PABPC4L: variants seen among roughly 807,000 people sequenced by gnomAD.
The protein encoded by PABPC4L is poly(A) binding protein cytoplasmic 4 like, also known as polyadenylate-binding protein 4-like.
For missense variants in PABPC4L, 452 were observed against 451.4 expected (o/e 1.00, Z -0.01); for synonymous variants, 169 against 164.1 (o/e 1.03, Z -0.23).
At chr4:134,040,060 T>G in the PABPC4L span, among the ~76,000 whole-genome samples, 2 of 151,566 alleles carry the variant, frequency 1.3e-5, no homozygotes, top group Non-Finnish European at 2.9e-5. Flanking sequence ...CTCAAAGAAA[T>G]AAGAGAGGAC....
At chr4:134,090,756 C>T in the PABPC4L span, among the ~76,000 whole-genome samples, 5 of 146,772 alleles carry the variant, frequency 3.4e-5, no homozygotes, top group African/African-American at 4.9e-5. Flanking sequence ...GAGCAATATC[C>T]TGTCTCAAAA....
chr4:134,171,252 A>C, the PABPC4L span, among the ~76,000 whole-genome samples: 1 of 152,082 alleles, frequency 6.6e-6, no homozygotes, highest in East Asian at 1.9e-4. Flanking sequence ...AGTAGCTGAG[A>C]TTACAGGTGC....
the PABPC4L span, among the ~76,000 whole-genome samples, chr4:134,139,753 G>C: frequency 1.3e-5 from 2 of 150,980 alleles, no homozygotes; most frequent in Admixed American, 6.6e-5. Flanking sequence ...TCAAACTCCT[G>C]GCCTCAAGTG....
the PABPC4L span, among the ~76,000 whole-genome samples, chr4:134,082,993 C>G: frequency 6.6e-6 from 1 of 152,158 alleles, no homozygotes; most frequent in Non-Finnish European, 1.5e-5. Flanking sequence ...GCATGACCAT[C>G]ACCATAGATT....
the PABPC4L span, among the ~76,000 whole-genome samples, chr4:134,107,587 A>T: frequency 6.6e-6 from 1 of 151,594 alleles, no homozygotes; most frequent in East Asian, 1.9e-4. Flanking sequence ...TTTGCCAAGT[A>T]TTTTTATACA....
At chr4:133,968,791 CAT>C in the PABPC4L span, among the ~76,000 whole-genome samples, 82 of 152,232 alleles carry the variant, frequency 5.4e-4, no homozygotes, top group African/African-American at 1.9e-3. Flanking sequence ...CAGGTAAAGA[CAT>C]AGGTGATTTG....
At chr4:134,192,267 G>A (rs2126193924), downstream of PABPC4L, among the ~76,000 whole-genome samples, 1 of 152,038 alleles carries the variant, frequency 6.6e-6, no homozygotes, top group African/African-American at 2.4e-5. Flanking sequence ...AGAAACAGAA[G>A]ATCATATATT....
the PABPC4L span, among the ~76,000 whole-genome samples, chr4:134,062,260 G>A: frequency 2.0e-5 from 3 of 151,954 alleles, no homozygotes; most frequent in Non-Finnish European, 2.9e-5. Context: ...AATTCAGGGA[G>A]TATATGATTC....
chr4:133,956,110 A>G, the PABPC4L span, among the ~76,000 whole-genome samples: 1 of 152,190 alleles, frequency 6.6e-6, no homozygotes, highest in Non-Finnish European at 1.5e-5. Context: ...TTTCTCATTA[A>G]CTTAACAGAA....
At chr4:134,085,462 CAA>C in the PABPC4L span, among the ~76,000 whole-genome samples, 1 of 151,942 alleles carries the variant, frequency 6.6e-6, no homozygotes, top group Non-Finnish European at 1.5e-5. Context: ...CGCACTAACG[CAA>C]AGTCACAAAT....
chr4:134,126,107 T>A, the PABPC4L span, among the ~76,000 whole-genome samples: 1 of 152,156 alleles, frequency 6.6e-6, no homozygotes, highest in Non-Finnish European at 1.5e-5. Flanking sequence ...TTATTTCCTA[T>A]GCACTCAAAT....
the PABPC4L span, among the ~76,000 whole-genome samples, chr4:134,033,270 T>C: frequency 1.3e-5 from 2 of 151,720 alleles, no homozygotes; most frequent in East Asian, 1.9e-4. Flanking sequence ...TTGATAACTG[T>C]TATGTGTTCT....
chr4:134,136,513 T>G, the PABPC4L span, among the ~76,000 whole-genome samples: 1 of 152,064 alleles, frequency 6.6e-6, no homozygotes, highest in Non-Finnish European at 1.5e-5. Context: ...AATCTCAATT[T>G]TGTTAGAGTT....
chr4:134,046,627 G>C, the PABPC4L span, among the ~76,000 whole-genome samples: 1 of 152,172 alleles, frequency 6.6e-6, no homozygotes, highest in African/African-American at 2.4e-5. Context: ...ATCTCAGGCT[G>C]TCTCAGTCGG....
At chr4:134,035,616 C>T in the PABPC4L span, among the ~76,000 whole-genome samples, 1 of 151,812 alleles carries the variant, frequency 6.6e-6, no homozygotes, top group African/African-American at 2.4e-5. Flanking sequence ...TGTTCTTAGT[C>T]ATTTGTATCA....
chr4:134,186,873 G>T, the PABPC4L span, among the ~76,000 whole-genome samples: 1 of 152,052 alleles, frequency 6.6e-6, no homozygotes, highest in Non-Finnish European at 1.5e-5. Flanking sequence ...CCATCAAAAA[G>T]TGGGCAAAGG....
the PABPC4L span, among the ~76,000 whole-genome samples, chr4:134,016,301 T>C: frequency 6.6e-6 from 1 of 152,142 alleles, no homozygotes; most frequent in Non-Finnish European, 1.5e-5. Context: ...ACTCTAAATA[T>C]GCCTTCCATA....
At chr4:134,104,751 T>G in the PABPC4L span, among the ~76,000 whole-genome samples, 1 of 151,776 alleles carries the variant, frequency 6.6e-6, no homozygotes, top group African/African-American at 2.4e-5. Context: ...ATAATGGGTT[T>G]CAGCTATCTT....
the PABPC4L span, among the ~76,000 whole-genome samples, chr4:134,101,658 C>A: frequency 6.6e-6 from 1 of 151,332 alleles, no homozygotes; most frequent in Non-Finnish European, 1.5e-5. Context: ...TAACAACCAA[C>A]CAAGTCAGGG....
Sources: allele counts gnomAD v4.1 joint callset (sites outside exome capture counted in the v4.1 genomes callset), GRCh38; gene constraint gnomAD v4.1.1; transcripts MANE v1.5; gene names NCBI Gene and HGNC (gene_info 2026-07-23, HGNC 2026-07-21).